Variants in MSRB2 observed in about 807,000 individuals in gnomAD.
MSRB2 encodes methionine sulfoxide reductase B2.
A neutral mutation model predicts 19.0 loss-of-function variants in MSRB2; 17 were observed. The observed-to-expected ratio is 0.89, with a 90% CI of 0.61 to 1.34. The LOEUF is 1.34. Among genes scored for constraint, MSRB2 ranks in the 40% most tolerant of loss-of-function variants. MSRB2 has a pLI of 0.00. For synonymous variants in MSRB2, 107 were observed against 99.7 expected (o/e 1.07, Z -0.44); for missense variants, 208 against 237.6 (o/e 0.88, Z 0.82).
intron 3 of MSRB2, among the ~76,000 whole-genome samples, chr10:23,115,782 A>G (rs1737653515): frequency 1.3e-5 from 2 of 152,172 alleles, no homozygotes; most frequent in African/African-American, 2.4e-5. Context: ...CGATTCTGCT[A>G]ATTGCATCAA....
At chr10:23,109,825 G>C (rs934943440) in intron 2 of MSRB2, among the ~76,000 whole-genome samples, 1 of 152,146 alleles carries the variant, frequency 6.6e-6, no homozygotes, top group South Asian at 2.1e-4. Flanking sequence ...TGCTTTTTAT[G>C]TATTTATATT....
intron 2 of MSRB2, among the ~76,000 whole-genome samples, chr10:23,107,742 T>C (rs1315314299): frequency 6.6e-6 from 1 of 152,178 alleles, no homozygotes; most frequent in African/African-American, 2.4e-5. Context: ...ACTGTTTTGC[T>C]GCCCACCTCT....
At chr10:23,119,572 C>T (rs1011539004) in intron 4 of MSRB2, 121 bp downstream of exon 4, 13 of 1,179,418 alleles carry the variant, frequency 1.1e-5, no homozygotes, top group Non-Finnish European at 1.3e-5. Flanking sequence ...CTTCAGAACA[C>T]ATGGGGTTTC....
chr10:23,096,721 T>A (rs1555800), intron 1 of MSRB2, among the ~76,000 whole-genome samples: 42,117 of 152,162 alleles, frequency 0.28, 6,004 homozygotes, highest in African/African-American at 0.34. Flanking sequence ...CTCATCCAAC[T>A]TGACTTCCAG....
At chr10:23,108,108 C>G (rs1030001515) in intron 2 of MSRB2, among the ~76,000 whole-genome samples, 13 of 152,000 alleles carry the variant, frequency 8.6e-5, no homozygotes, top group African/African-American at 2.9e-4. Flanking sequence ...CAGGTGCCTG[C>G]CACTACACCC....
At chr10:23,115,479 T>C (rs1474934532) in intron 3 of MSRB2, among the ~76,000 whole-genome samples, 1 of 152,222 alleles carries the variant, frequency 6.6e-6, no homozygotes, top group East Asian at 1.9e-4. Context: ...CTCAAAGGAA[T>C]AGAAATTCTT....
In MSRB2 at chr10:23,120,240, C is replaced by T. The variant is rs188047417; in HGVS notation, c.445-518C>T. Among the ~76,000 whole-genome samples, 18 of 152,266 alleles carry T rather than the reference C, an allele frequency of 1.2e-4. No individual in the cohort carries two copies. The East Asian group carries it at 1.9e-3, about 16-fold the overall frequency. ...CAGCACCTCTGCCTTCTGTGAGCCC[C>T]GTAGGAGAGAGTGGCTTAAATCCAG... On this transcript the variant is annotated intron_variant, in intron 4 of 4. Coordinates refer to ENST00000376510, the MANE Select transcript of MSRB2 (RefSeq NM_012228.4).
At chr10:23,117,415 T>G (rs1840123448) in intron 3 of MSRB2, among the ~76,000 whole-genome samples, 1 of 152,208 alleles carries the variant, frequency 6.6e-6, no homozygotes, top group Non-Finnish European at 1.5e-5. Context: ...AAGATTCAGT[T>G]GTCTTTTTTT....
At chr10:23,098,554 G>A (rs1012064243) in intron 1 of MSRB2, among the ~76,000 whole-genome samples, 3 of 152,186 alleles carry the variant, frequency 2.0e-5, no homozygotes, top group Admixed American at 6.5e-5. Context: ...AATGTAGAGG[G>A]AATCTGGAAA....
intron 1 of MSRB2, among the ~76,000 whole-genome samples, chr10:23,097,501 T>G (rs939011508): frequency 9.8e-5 from 15 of 152,288 alleles, no homozygotes; most frequent in African/African-American, 3.6e-4. Context: ...CACTAATCCC[T>G]CAAGAGAGCC....
rs1399989118 is a variant in MSRB2 at position 23,095,592 on chromosome 10, G to T, written c.-17G>T. The T allele has an allele frequency of 1.9e-5, 28 of 1,476,528 alleles. 1 individual carries two copies. The Admixed American group carries it at 6.1e-4, about 32-fold the overall frequency. The allele number at this position is 1,476,528 out of a possible 1,614,324, so 91.5% of individuals were successfully genotyped here. On this transcript the variant is annotated 5_prime_UTR_variant, in exon 1 of 5. Transcript: ENST00000376510. ...CGGGCAGAGGGCAGAGGGCGGAGCG[G>T]CGCCGGAGCGGGCGTCATGGCGCGG...
At position 23,121,838 on chromosome 10, in the gene MSRB2, T is replaced by A. The variant is rs111283822; in HGVS notation, c.*976T>A. On this transcript the variant is annotated 3_prime_UTR_variant, in exon 5 of 5. Coordinates refer to ENST00000376510, the MANE Select transcript of MSRB2 (RefSeq NM_012228.4). ...TATGGTGATCAATCAGATGCATGAC[T>A]TTTTTTTCAAAATTTTAAATGTCTT... The A allele has an allele frequency of 4.6e-5, 7 of 151,934 alleles. No individual in the cohort carries two copies. Among genetic ancestry groups the A allele is most frequent in the Non-Finnish European group, 8.8e-5 (6 of 67,974 alleles). 9.4% of individuals were successfully genotyped at this position (151,934 alleles called of 1,614,324 possible).
chr10:23,102,882 G>A (rs1839940625), intron 1 of MSRB2, among the ~76,000 whole-genome samples: 1 of 152,066 alleles, frequency 6.6e-6, no homozygotes, highest in Admixed American at 6.5e-5. Context: ...ATTTTGTTTT[G>A]TTCCCAAAGT....
intron 1 of MSRB2, among the ~76,000 whole-genome samples, chr10:23,100,272 AC>A (rs1839913334): frequency 6.6e-6 from 1 of 151,918 alleles, no homozygotes; most frequent in Non-Finnish European, 1.5e-5. Context: ...GGGAGGAGGA[AC>A]CCAGGACATA....
intron 3 of MSRB2, among the ~76,000 whole-genome samples, chr10:23,114,705 G>A (rs1302757552): frequency 6.6e-6 from 1 of 152,082 alleles, no homozygotes; most frequent in Non-Finnish European, 1.5e-5. Flanking sequence ...CAGACCTCTC[G>A]GCAGCTCCCC....
In MSRB2 at chr10:23,121,656, C is replaced by G. The variant is rs1840185172; in HGVS notation, c.*794C>G. 1 of 152,200 alleles carries G rather than the reference C, an allele frequency of 6.6e-6. No homozygotes were observed. Among genetic ancestry groups the G allele is most frequent in the South Asian group, 2.1e-4 (1 of 4,832 alleles). 9.4% of individuals were successfully genotyped at this position (152,200 alleles called of 1,614,324 possible). ...TGATGGACTATTAAGCCAAACAATT[C>G]CTACAAAAATTCCCTGCACCTTCCA... is the stretch of plus-strand genomic sequence containing the variant. On this transcript the variant is annotated 3_prime_UTR_variant, in exon 5 of 5. Coordinates refer to ENST00000376510, the MANE Select transcript of MSRB2 (RefSeq NM_012228.4).
At chr10:23,115,102 T>G (rs1244886844) in intron 3 of MSRB2, among the ~76,000 whole-genome samples, 2 of 152,164 alleles carry the variant, frequency 1.3e-5, no homozygotes, top group Non-Finnish European at 2.9e-5. Context: ...GTGCACAGTT[T>G]TGGAGAGCTT....
At chr10:23,113,390 GT>G (rs984032946) in intron 3 of MSRB2, among the ~76,000 whole-genome samples, 14 of 151,720 alleles carry the variant, frequency 9.2e-5, no homozygotes, top group Middle Eastern at 6.8e-3. Flanking sequence ...CACACCATGG[GT>G]TTTTTTTTAA....
chr10:23,117,870 C>T (rs958010482), intron 3 of MSRB2, among the ~76,000 whole-genome samples: 5 of 152,312 alleles, frequency 3.3e-5, no homozygotes, highest in East Asian at 3.9e-4. Context: ...GGATTATAGG[C>T]GTGGGCCACC....
Sources: allele counts gnomAD v4.1 joint callset (sites outside exome capture counted in the v4.1 genomes callset), GRCh38; gene constraint gnomAD v4.1.1; transcripts MANE v1.5; gene names NCBI Gene and HGNC (gene_info 2026-07-23, HGNC 2026-07-21).